NINL: variants seen among roughly 807,000 people sequenced by gnomAD.
NINL encodes ninein like, also known as ninein-like protein.
In NINL, 153 loss-of-function variants were observed where a neutral mutation model predicts 160.3. The ratio of observed to expected loss-of-function variants is 0.95; its 90% CI spans 0.84 to 1.09. The LOEUF is 1.09. Ranked by LOEUF, NINL falls within the 50% of genes least tolerant of loss-of-function variation. The probability of loss-of-function intolerance (pLI) is 0.00; values close to 1 mark genes in which losing one functional copy is unlikely to be tolerated. For synonymous variants in NINL, 800 were observed against 734.8 expected (o/e 1.09, Z -1.43); for missense variants, 1,829 against 1,764.0 (o/e 1.04, Z -0.66).
At chr20:25,466,478 T>C (rs1328052611) in intron 19 of NINL, among the ~76,000 whole-genome samples, 1 of 152,228 alleles carries the variant, frequency 6.6e-6, no homozygotes, top group East Asian at 1.9e-4. Context: ...GTTTCAACTT[T>C]CCTGTGTTTA....
intron 5 of NINL, 44 bp downstream of exon 5, chr20:25,510,630 C>G (rs1425265064): frequency 6.4e-7 from 1 of 1,573,190 alleles, no homozygotes; most frequent in Admixed American, 1.7e-5. Flanking sequence ...TTTCAAAGCT[C>G]TGGGCAAAGG....
chr20:25,539,064 C>A (rs2064612274), intron 1 of NINL, among the ~76,000 whole-genome samples: 2 of 152,172 alleles, frequency 1.3e-5, no homozygotes, highest in Admixed American at 1.3e-4. Context: ...CGTACACTAA[C>A]ATGGGCAGGG....
chr20:25,460,072 C>T (rs1011695965), intron 21 of NINL, among the ~76,000 whole-genome samples: 1 of 152,122 alleles, frequency 6.6e-6, no homozygotes, highest in Non-Finnish European at 1.5e-5. Flanking sequence ...GGAGACCCTC[C>T]GCCCTCTGAG....
At chr20:25,565,878 A>C (rs2064994113) in intron 1 of NINL, among the ~76,000 whole-genome samples, 2 of 152,262 alleles carry the variant, frequency 1.3e-5, no homozygotes, top group Admixed American at 1.3e-4. Flanking sequence ...CCTGTCCTGG[A>C]ACAACAACTC....
chr20:25,573,971 T>C (rs1335635816), intron 1 of NINL, among the ~76,000 whole-genome samples: 48 of 152,068 alleles, frequency 3.2e-4, no homozygotes, highest in Non-Finnish European at 4.4e-5. Flanking sequence ...GCATCCAGTG[T>C]AAAAATCACC....
At chr20:25,556,516 T>C (rs1202456400) in intron 1 of NINL, among the ~76,000 whole-genome samples, 2 of 152,030 alleles carry the variant, frequency 1.3e-5, no homozygotes. Context: ...TCCCAGCTAC[T>C]TGGGAGACTG....
At chr20:25,570,892 G>C (rs1046261630) in intron 1 of NINL, among the ~76,000 whole-genome samples, 1 of 151,588 alleles carries the variant, frequency 6.6e-6, no homozygotes, top group African/African-American at 2.4e-5. Flanking sequence ...TTGTAAAGAC[G>C]GGGTTTCACC....
At chr20:25,563,961 G>A (rs1379563157) in intron 1 of NINL, among the ~76,000 whole-genome samples, 4 of 152,136 alleles carry the variant, frequency 2.6e-5, no homozygotes, top group Admixed American at 6.5e-5. Context: ...GGTCATGCCT[G>A]TAATTCCAGC....
At chr20:25,558,120 G>A (rs781039691) in intron 1 of NINL, among the ~76,000 whole-genome samples, 4 of 152,188 alleles carry the variant, frequency 2.6e-5, no homozygotes, top group African/African-American at 4.8e-5. Flanking sequence ...TAGCCTGGGT[G>A]AAAGAGCAAG....
chr20:25,568,232 C>A (rs1304527586), intron 1 of NINL, among the ~76,000 whole-genome samples: 6 of 143,866 alleles, frequency 4.2e-5, no homozygotes, highest in Middle Eastern at 3.6e-3. Flanking sequence ...TGTCAGATCT[C>A]AAAAAAAAAA....
intron 13 of NINL, among the ~76,000 whole-genome samples, chr20:25,483,478 G>A (rs384336): frequency 0.027 from 4,123 of 152,372 alleles, 180 homozygotes; most frequent in African/African-American, 0.09. Flanking sequence ...CTTCCTCAGC[G>A]GCCACTGAAT....
At chr20:25,457,030 A>C (rs1252819013) in intron 22 of NINL, among the ~76,000 whole-genome samples, 1 of 152,088 alleles carries the variant, frequency 6.6e-6, no homozygotes, top group African/African-American at 2.4e-5. Context: ...GGGTTTAAAA[A>C]TGTTCTGGCC....
chr20:25,512,853 G>A lies in NINL; in HGVS notation c.431C>T (p.Ala144Val), dbSNP rs758730385. 30 of 1,613,578 alleles carry A rather than the reference G, an allele frequency of 1.9e-5. No individual in the cohort carries two copies. The highest frequency in any genetic ancestry group is 4.5e-5 in the East Asian group (2 of 44,872). ...ACCCACCTCCACGCTCTCCAGAGAC[G>A]CTGAGCGCCAGAGGTGACTTTTCAG... is the stretch of plus-strand genomic sequence containing the variant. Reference protein sequence around the residue: ...ASLKSHLWRSASLESVESPKS... With the variant: ...ASLKSHLWRSVSLESVESPKS... The change falls in exon 4 of 24, where the codon GCG becomes GTG. Residue 144 changes from alanine to valine, a missense_variant. Coordinates refer to ENST00000278886, the MANE Select transcript of NINL (RefSeq NM_025176.6).
intron 13 of NINL, among the ~76,000 whole-genome samples, chr20:25,483,390 G>C (rs1288586952): frequency 6.6e-6 from 1 of 152,176 alleles, no homozygotes; most frequent in African/African-American, 2.4e-5. Context: ...GTCACCACCA[G>C]AAACTACAGT....
intron 22 of NINL, among the ~76,000 whole-genome samples, chr20:25,457,302 A>G (rs917104754): frequency 1.3e-5 from 2 of 152,158 alleles, no homozygotes; most frequent in Non-Finnish European, 2.9e-5. Flanking sequence ...CCAGCCTGGC[A>G]ACAGAGTCAG....
Position 25,461,536 on chromosome 20 carries a change from C to A in NINL, c.3682G>T (p.Glu1228Ter), listed in dbSNP as rs748185872. 3 of 1,573,790 alleles carry A rather than the reference C, an allele frequency of 1.9e-6. No individual in the cohort carries two copies. Among genetic ancestry groups the A allele is most frequent in the Non-Finnish European group, 2.6e-6 (3 of 1,165,012 alleles). ...PWSELTQTLE[E>*]SQDQVQGAHL... is the part of the protein sequence containing the mutation. ...CTCACACCCACCTGGTCTTGACTTT[C>A]CTCAAGGGTCTGGGTCAGCTCTGAC... The change falls in exon 21 of 24, where the codon GAA (glutamate) becomes TAA (stop). Residue 1228 changes from glutamate to a stop codon, truncating the protein, a stop_gained. Transcript: ENST00000278886. LOFTEE classifies it high-confidence loss of function.
At chr20:25,537,398 T>C (rs2064577709) in intron 1 of NINL, among the ~76,000 whole-genome samples, 1 of 152,228 alleles carries the variant, frequency 6.6e-6, no homozygotes, top group African/African-American at 2.4e-5. Flanking sequence ...TTTTCATTTT[T>C]AAGCCATGTG....
intron 19 of NINL, among the ~76,000 whole-genome samples, chr20:25,466,390 C>T (rs1475600537): frequency 2.0e-5 from 3 of 152,202 alleles, no homozygotes; most frequent in East Asian, 1.9e-4. Context: ...TAGATATGAA[C>T]AGAACTAAAG....
intron 14 of NINL, 54 bp from the exon 15 acceptor site, chr20:25,480,321 C>T: frequency 7.5e-7 from 1 of 1,326,822 alleles, no homozygotes; most frequent in Non-Finnish European, 1.1e-6. Context: ...ACGGGGGCCC[C>T]TTCCAAACCT....
Sources: allele counts gnomAD v4.1 joint callset (sites outside exome capture counted in the v4.1 genomes callset), GRCh38; gene constraint gnomAD v4.1.1; transcripts MANE v1.5; gene names NCBI Gene and HGNC (gene_info 2026-07-23, HGNC 2026-07-21).